ZRANB3: variants seen among roughly 807,000 people sequenced by gnomAD.
ZRANB3 encodes the protein DNA annealing helicase and endonuclease ZRANB3.
ZRANB3 carries 125 observed loss-of-function variants against 133.8 expected under a neutral mutation model. The observed-to-expected ratio is 0.93, with a 90% confidence interval of 0.81 to 1.08. The LOEUF is 1.08. ZRANB3 is among the 50% of genes least tolerant of loss of function. The pLI is 0.00. For synonymous variants in ZRANB3, 387 were observed against 432.7 expected (o/e 0.89, Z 1.31); for missense variants, 1,229 against 1,275.5 (o/e 0.96, Z 0.56).
intron 3 of ZRANB3, among the ~76,000 whole-genome samples, chr2:135,372,334 A>AT (rs372533158): frequency 8.5e-5 from 13 of 152,084 alleles, no homozygotes; most frequent in Admixed American, 5.2e-4. Flanking sequence ...TGAGAAATAC[A>AT]TATTTGTTTT....
chr2:135,380,006 G>A (rs961918865), intron 3 of ZRANB3, among the ~76,000 whole-genome samples: 2 of 152,096 alleles, frequency 1.3e-5, no homozygotes, highest in Non-Finnish European at 2.9e-5. Context: ...AGCAGGGGTT[G>A]CAATCATAGT....
chr2:135,484,469 T>G (rs1691999808), intron 2 of ZRANB3, among the ~76,000 whole-genome samples: 1 of 152,046 alleles, frequency 6.6e-6, no homozygotes, highest in African/African-American at 2.4e-5. Context: ...ACCATGTATA[T>G]TCACAATATA....
At chr2:135,389,502 G>A (rs1015290426) in intron 3 of ZRANB3, among the ~76,000 whole-genome samples, 4 of 152,036 alleles carry the variant, frequency 2.6e-5, no homozygotes, top group African/African-American at 9.7e-5. Flanking sequence ...GTCAAGAGAC[G>A]GAAAACACCT....
intron 12 of ZRANB3, among the ~76,000 whole-genome samples, chr2:135,246,786 C>G (rs914875390): frequency 3.9e-5 from 6 of 152,134 alleles, no homozygotes; most frequent in African/African-American, 1.4e-4. Flanking sequence ...GTGAGAAGTG[C>G]TGGGAATACA....
Position 135,245,926 on chromosome 2 carries a change from CAA to C in ZRANB3, c.1540-15001_1540-15000del, listed in dbSNP as rs1177438717. 6.7e-3 allele frequency among the ~76,000 whole-genome samples: 130 copies of C among 19,546 alleles called. 1 individual carries two copies. Among genetic ancestry groups the C allele is most frequent in the East Asian group, 0.015 (2 of 132 alleles). The allele number at this position is 19,546 out of a possible 152,430, so 12.8% of individuals were successfully genotyped here. ...GGGCAACGAGATTGAAACTCCGTCTCAAAAAAAAAAAAAAAAAAAAAAGAGAC... is the reference window on the plus strand; with the variant it reads ...GGGCAACGAGATTGAAACTCCGTCTCAAAAAAAAAAAAAAAAAAAAGAGAC... On this transcript the variant is annotated intron_variant, in intron 12 of 20. Transcript: ENST00000264159.
intron 2 of ZRANB3, among the ~76,000 whole-genome samples, chr2:135,489,783 G>T (rs1692294418): frequency 6.6e-6 from 1 of 151,244 alleles, no homozygotes; most frequent in Non-Finnish European, 1.5e-5. Flanking sequence ...GGGTTTTGGA[G>T]AAAAAAATAA....
At chr2:135,400,154 T>G (rs1490509809) in intron 2 of ZRANB3, among the ~76,000 whole-genome samples, 8 of 151,872 alleles carry the variant, frequency 5.3e-5, no homozygotes, top group Non-Finnish European at 8.8e-5. Context: ...GCAGAAGAAT[T>G]GCTTGAATCT....
At chr2:135,266,920 C>A (rs1280819319) in intron 11 of ZRANB3, among the ~76,000 whole-genome samples, 1 of 152,174 alleles carries the variant, frequency 6.6e-6, no homozygotes, top group South Asian at 2.1e-4. Context: ...ACTCTTTCAA[C>A]CAACTGCCAA....
intron 2 of ZRANB3, among the ~76,000 whole-genome samples, chr2:135,418,772 A>G (rs1181555696): frequency 6.6e-6 from 1 of 152,104 alleles, no homozygotes; most frequent in Non-Finnish European, 1.5e-5. Context: ...GAAGAATCAG[A>G]AAAGCTGAGG....
chr2:135,355,797 T>C (rs1272452205), intron 3 of ZRANB3, among the ~76,000 whole-genome samples: 2 of 152,210 alleles, frequency 1.3e-5, no homozygotes, highest in African/African-American at 2.4e-5. Flanking sequence ...CTTTGTGCTA[T>C]GGTTAGGGGT....
At chr2:135,507,383 C>T (rs1341400848) in intron 1 of ZRANB3, among the ~76,000 whole-genome samples, 1 of 152,176 alleles carries the variant, frequency 6.6e-6, no homozygotes, top group Non-Finnish European at 1.5e-5. Flanking sequence ...ATATCAGACA[C>T]TTTCCCAGCC....
intron 12 of ZRANB3, among the ~76,000 whole-genome samples, chr2:135,251,163 A>G (rs554276519): frequency 6.6e-6 from 1 of 152,250 alleles, no homozygotes; most frequent in East Asian, 1.9e-4. Context: ...TGACTGCCTC[A>G]CTCGATTTCA....
chr2:135,330,663 C>A (rs61201579), intron 6 of ZRANB3, among the ~76,000 whole-genome samples: 3 of 149,080 alleles, frequency 2.0e-5, no homozygotes, highest in Non-Finnish European at 4.4e-5. Context: ...GTAGAATTCC[C>A]TGTGAATCTG....
chr2:135,412,169 G>C (rs1166015942), intron 2 of ZRANB3, among the ~76,000 whole-genome samples: 1 of 152,038 alleles, frequency 6.6e-6, no homozygotes, highest in Non-Finnish European at 1.5e-5. Context: ...ACAATATAGA[G>C]ACTATAACAG....
At chr2:135,476,518 T>A (rs1413025170) in intron 2 of ZRANB3, among the ~76,000 whole-genome samples, 1 of 151,840 alleles carries the variant, frequency 6.6e-6, no homozygotes, top group Non-Finnish European at 1.5e-5. Flanking sequence ...TTCTCTGTAC[T>A]TCTATATACA....
chr2:135,313,497 T>C lies in ZRANB3; in HGVS notation c.958A>G (p.Ile320Val), dbSNP rs759131824. The C allele has an allele frequency of 7.5e-6, 12 of 1,608,140 alleles. No homozygotes were observed. Among genetic ancestry groups the C allele is most frequent in the Non-Finnish European group, 1.0e-5 (12 of 1,175,716 alleles). ...GGCCCAGCAAAGAGTACCTTGGCAA[T>C]AGCAGTTTGTTTAAACATGCGAGTT... Reference protein sequence around the residue: ...LITRMFKQTAIAKAGAVKDYI... With the variant: ...LITRMFKQTAVAKAGAVKDYI... Residue 320 changes from isoleucine to valine, a missense_variant, in exon 8 of 21, where the codon ATT (isoleucine) becomes GTT (valine). Physicochemically the swap from Ile to Val is conservative, Grantham distance 29. Coordinates refer to ENST00000264159, the MANE Select transcript of ZRANB3 (RefSeq NM_032143.4).
intron 17 of ZRANB3, among the ~76,000 whole-genome samples, chr2:135,211,092 T>C (rs925403994): frequency 6.6e-6 from 1 of 152,176 alleles, no homozygotes; most frequent in Non-Finnish European, 1.5e-5. Flanking sequence ...TATAGGTGTA[T>C]GCCTTTTATT....
In ZRANB3 at chr2:135,510,885, T is replaced by G. The variant is rs142853444; in HGVS notation, c.-7-6389A>C. 74 of 1,211,736 alleles carry G rather than the reference T, an allele frequency of 6.1e-5. No homozygotes were observed. In the African/African-American group the frequency reaches 9.4e-4, roughly 15 times the overall value. The allele number at this position is 1,211,736 out of a possible 1,614,324, so 75.1% of individuals were successfully genotyped here. ...TTGAAAGAAATCTTTAAGCTCTGAT[T>G]TGTCCACTTCATGAGGCAGGTTGCC... On this transcript the variant is annotated intron_variant, in intron 1 of 20. Transcript: ENST00000264159.
chr2:135,419,556 T>G (rs534067098), intron 2 of ZRANB3, among the ~76,000 whole-genome samples: 1 of 152,036 alleles, frequency 6.6e-6, no homozygotes, highest in South Asian at 2.1e-4. Flanking sequence ...AAAACAAGGG[T>G]TTTTAAGGGT....
Sources: allele counts gnomAD v4.1 joint callset (sites outside exome capture counted in the v4.1 genomes callset), GRCh38; gene constraint gnomAD v4.1.1; transcripts MANE v1.5; gene names NCBI Gene and HGNC (gene_info 2026-07-23, HGNC 2026-07-21).